Variants in CELF4 observed in about 807,000 individuals in gnomAD.
CELF4 encodes CUG-BP- and ETR-3-like factor 4.
CELF4 carries 18 observed loss-of-function variants against 59.9 expected under a neutral mutation model. The ratio of observed to expected loss-of-function variants is 0.30; its 90% confidence interval spans 0.21 to 0.45. CELF4 has a LOEUF of 0.45. CELF4 is among the 20% of genes least tolerant of loss of function. The probability of loss-of-function intolerance (pLI) is 1.00; values close to 1 mark genes in which losing one functional copy is unlikely to be tolerated. For synonymous variants in CELF4, 261 were observed against 267.1 expected (o/e 0.98, Z 0.22); for missense variants, 456 against 689.0 (o/e 0.66, Z 3.79).
At chr18:37,322,871 C>T (rs2097172996) in intron 2 of CELF4, among the ~76,000 whole-genome samples, 1 of 152,160 alleles carries the variant, frequency 6.6e-6, no homozygotes, top group African/African-American at 2.4e-5. Context: ...GTACAAACAC[C>T]CCCATTTTAG....
chr18:37,288,971 T>G (rs1199128780), intron 3 of CELF4, among the ~76,000 whole-genome samples: 3 of 152,200 alleles, frequency 2.0e-5, no homozygotes, highest in Non-Finnish European at 4.4e-5. Flanking sequence ...CTCAGAAACC[T>G]GCACGCCAGC....
In CELF4 at chr18:37,559,671, G is replaced by A. The variant is rs569004694; in HGVS notation, c.286+5685C>T. ...GATGACATGGAAGGTGTGAGCCCTG[G>A]ACAGAGGCAAAGTTGAGACAAGCTC... On this transcript the variant is annotated intron_variant, in intron 1 of 12. Coordinates refer to ENST00000420428, the MANE Select transcript of CELF4 (RefSeq NM_020180.4). 2.6e-5 allele frequency among the ~76,000 whole-genome samples: 4 copies of A among 152,294 alleles called. No homozygotes were observed. The South Asian group carries it at 8.3e-4, about 32-fold the overall frequency.
chr18:37,391,312 CCT>C (rs2099159427), intron 2 of CELF4, among the ~76,000 whole-genome samples: 1 of 152,192 alleles, frequency 6.6e-6, no homozygotes, highest in Admixed American at 6.5e-5. Context: ...CAAAGCTGCC[CCT>C]CTCTAAGGAG....
intron 3 of CELF4, among the ~76,000 whole-genome samples, chr18:37,316,958 G>A (rs1452787302): frequency 5.3e-5 from 8 of 152,220 alleles, no homozygotes; most frequent in African/African-American, 1.9e-4. Context: ...GTGGCTGACA[G>A]GTAGGAGTTG....
chr18:37,365,787 G>C (rs528917726), intron 2 of CELF4, among the ~76,000 whole-genome samples: 5 of 152,122 alleles, frequency 3.3e-5, no homozygotes, highest in Admixed American at 2.6e-4. Flanking sequence ...CACCCGGCCT[G>C]GGATGGGGCA....
At chr18:37,318,117 G>A (rs1364099440) in intron 3 of CELF4, among the ~76,000 whole-genome samples, 1 of 152,196 alleles carries the variant, frequency 6.6e-6, no homozygotes, top group East Asian at 1.9e-4. Context: ...GTGGATGGGT[G>A]TCCTGTGTCC....
chr18:37,484,250 A>T (rs1427840888), intron 2 of CELF4, among the ~76,000 whole-genome samples: 1 of 152,204 alleles, frequency 6.6e-6, no homozygotes, highest in Admixed American at 6.5e-5. Flanking sequence ...GAAGCCTTTG[A>T]TTATCCTACA....
Position 37,274,617 on chromosome 18 carries a change from T to C in CELF4, c.658-163A>G, listed in dbSNP as rs569569364. 4.0e-6 allele frequency: 6 copies of C among 1,516,610 alleles called. No homozygotes were observed. In the South Asian group the frequency reaches 7.4e-5, roughly 19 times the overall value. 93.9% of individuals were successfully genotyped at this position (1,516,610 alleles called of 1,614,324 possible). ...TGAGGTGTGAACCCCACCGCGGGCA[T>C]TTTCCACCTGGGTAACCTCAGGCCA... On this transcript the variant is annotated intron_variant, in intron 5 of 12. Coordinates refer to ENST00000420428, the MANE Select transcript of CELF4 (RefSeq NM_020180.4).
At chr18:37,519,602 G>A (rs2099954837) in intron 1 of CELF4, among the ~76,000 whole-genome samples, 2 of 152,244 alleles carry the variant, frequency 1.3e-5, no homozygotes, top group Admixed American at 1.3e-4. Context: ...GCAGCAGTAT[G>A]TAAATAAGAT....
chr18:37,523,465 C>T (rs1385553862), intron 1 of CELF4, among the ~76,000 whole-genome samples: 1 of 152,206 alleles, frequency 6.6e-6, no homozygotes, highest in African/African-American at 2.4e-5. Flanking sequence ...AGCCACATGC[C>T]TGTAATCCTG....
At chr18:37,410,509 C>T (rs1441968261) in intron 2 of CELF4, among the ~76,000 whole-genome samples, 1 of 152,264 alleles carries the variant, frequency 6.6e-6, no homozygotes, top group African/African-American at 2.4e-5. Context: ...GGCTTGACAT[C>T]ATGCCTGTGT....
At chr18:37,251,019 G>A (rs914476901) in intron 12 of CELF4, among the ~76,000 whole-genome samples, 1 of 152,088 alleles carries the variant, frequency 6.6e-6, no homozygotes, top group African/African-American at 2.4e-5. Flanking sequence ...TTGGGGTGAG[G>A]GTAGGGTGGG....
chr18:37,317,197 G>A (rs2096895988), intron 3 of CELF4, among the ~76,000 whole-genome samples: 1 of 152,172 alleles, frequency 6.6e-6, no homozygotes, highest in Admixed American at 6.5e-5. Context: ...GACCAGCCTG[G>A]CCAACATGGT....
chr18:37,486,094 C>T (rs2099880821), intron 1 of CELF4: 1 of 152,450 alleles, frequency 6.6e-6, no homozygotes, highest in Admixed American at 6.5e-5. Context: ...CAAATAAAGG[C>T]TCAGTCTGTA....
intron 1 of CELF4, among the ~76,000 whole-genome samples, chr18:37,489,571 AG>A (rs1254649078): frequency 6.6e-6 from 1 of 150,492 alleles, no homozygotes; most frequent in Non-Finnish European, 1.5e-5. Flanking sequence ...GGGGTTGAGG[AG>A]GGGGCTGTGG....
chr18:37,273,287 C>G, intron 6 of CELF4, 124 bp from the exon 7 acceptor site: 1 of 1,449,962 alleles, frequency 6.9e-7, no homozygotes, highest in South Asian at 1.5e-5. Context: ...AACTACCACT[C>G]CAGAAAGCCC....
intron 2 of CELF4, among the ~76,000 whole-genome samples, chr18:37,346,885 C>T (rs2098279003): frequency 6.6e-6 from 1 of 152,094 alleles, no homozygotes; most frequent in African/African-American, 2.4e-5. Context: ...GGGTGTCTGT[C>T]TTCCAGCAGC....
chr18:37,249,063 C>A (rs2063816304), intron 12 of CELF4, among the ~76,000 whole-genome samples: 1 of 152,176 alleles, frequency 6.6e-6, no homozygotes, highest in Admixed American at 6.5e-5. Context: ...CACAGAAGCA[C>A]CCTAGACTCC....
At chr18:37,263,114 G>A (rs1002752826) in intron 10 of CELF4, among the ~76,000 whole-genome samples, 6 of 152,242 alleles carry the variant, frequency 3.9e-5, no homozygotes, top group Admixed American at 1.3e-4. Flanking sequence ...AGACTCAGCC[G>A]GCTTGGTCCT....
Sources: allele counts gnomAD v4.1 joint callset (sites outside exome capture counted in the v4.1 genomes callset), GRCh38; gene constraint gnomAD v4.1.1; transcripts MANE v1.5; gene names NCBI Gene and HGNC (gene_info 2026-07-23, HGNC 2026-07-21).